The following CAMTA1 variants were observed in gnomAD, a reference collection of about 807,000 sequenced individuals.
CAMTA1 encodes calmodulin-binding transcription activator 1.
Under a neutral mutation model 170.9 loss-of-function variants are expected in CAMTA1, and 27 were observed. That is an observed-to-expected ratio of 0.16 (90% CI 0.12 to 0.22). CAMTA1 has a LOEUF of 0.22. Ranked by LOEUF, CAMTA1 falls within the 10% of genes least tolerant of loss-of-function variation. The pLI is 1.00. For synonymous variants in CAMTA1, 833 were observed against 891.5 expected, an observed-to-expected ratio of 0.93 and a Z score of 1.17; for missense variants, 1,619 against 2,217.2, an observed-to-expected ratio of 0.73 and a Z score of 5.42.
At chr1:7,651,751 A>G (rs2095849789) in intron 7 of CAMTA1, among the ~76,000 whole-genome samples, 1 of 152,258 alleles carries the variant, frequency 6.6e-6, no homozygotes, top group African/African-American at 2.4e-5. Flanking sequence ...AGATGAAGAA[A>G]CTAAGATCCA....
Position 6,970,301 on chromosome 1 carries a change from C to T in CAMTA1, c.235-121003C>T, listed in dbSNP as rs192437420. 1.8e-4 allele frequency among the ~76,000 whole-genome samples: 27 copies of T among 152,262 alleles called. No homozygotes were observed. Among genetic ancestry groups the T allele is most frequent in the Admixed American group, 5.2e-4 (8 of 15,300 alleles). On this transcript the variant is annotated intron_variant, in intron 3 of 22. Transcript: ENST00000303635. The surrounding 1 kb of genome is among the most constrained non-coding windows in gnomAD (Gnocchi z 4.4). ...AGTGTATCTGTAATCCTAATGTGTA[C>T]GGGACCTTATGTCCTGCTTTGCTTG...
intron 3 of CAMTA1, among the ~76,000 whole-genome samples, chr1:6,854,521 A>ATTT (rs1661560270): frequency 6.6e-6 from 1 of 152,250 alleles, no homozygotes; most frequent in Non-Finnish European, 1.5e-5. Flanking sequence ...AAAATAAGAT[A>ATTT]CATTCAAAAT....
intron 4 of CAMTA1, among the ~76,000 whole-genome samples, chr1:7,164,945 G>T (rs1014220437): frequency 6.6e-6 from 1 of 152,196 alleles, no homozygotes; most frequent in Admixed American, 6.5e-5. Flanking sequence ...TAGAATGCTC[G>T]TCCCTTTGTC....
chr1:7,648,110 A>G (rs1188687679), intron 7 of CAMTA1, among the ~76,000 whole-genome samples: 2 of 152,024 alleles, frequency 1.3e-5, no homozygotes, highest in African/African-American at 4.8e-5. Context: ...AGAAGAGAAG[A>G]GGGCTGGACA....
chr1:7,047,725 T>G (rs903589926), intron 3 of CAMTA1, among the ~76,000 whole-genome samples: 4 of 150,100 alleles, frequency 2.7e-5, no homozygotes, highest in African/African-American at 7.5e-5. Flanking sequence ...CTCTCTCTTT[T>G]TTTTTTTTTT....
intron 3 of CAMTA1, among the ~76,000 whole-genome samples, chr1:6,999,382 G>A (rs945911126): frequency 2.0e-5 from 3 of 152,116 alleles, no homozygotes; most frequent in Admixed American, 2.0e-4. Flanking sequence ...GCCTCGGGGA[G>A]CATTTATTTA....
chr1:7,648,846 G>T (rs1415393626), intron 7 of CAMTA1, among the ~76,000 whole-genome samples: 4 of 152,206 alleles, frequency 2.6e-5, no homozygotes, highest in African/African-American at 4.8e-5. Flanking sequence ...ATGAAGCTAG[G>T]TTCTTGTGCT....
chr1:7,069,962 G>A (rs960995329), intron 3 of CAMTA1, among the ~76,000 whole-genome samples: 2 of 152,242 alleles, frequency 1.3e-5, no homozygotes, highest in Admixed American at 1.3e-4. Context: ...GTTAATGAGA[G>A]CTCTGCGCCT....
At chr1:7,649,314 T>C (rs1216562521) in intron 7 of CAMTA1, among the ~76,000 whole-genome samples, 1 of 152,212 alleles carries the variant, frequency 6.6e-6, no homozygotes, top group Non-Finnish European at 1.5e-5. Flanking sequence ...CCCGGCTCCC[T>C]GCCTGCATCT....
Position 7,411,284 on chromosome 1 carries a change from G to T in CAMTA1, c.439-56546G>T, listed in dbSNP as rs975420616. Among the ~76,000 whole-genome samples the T allele has an allele frequency of 5.3e-5, 8 of 152,090 alleles. No homozygotes were observed. In the South Asian group the frequency reaches 1.0e-3, roughly 20 times the overall value. On this transcript the variant is annotated intron_variant, in intron 5 of 22. Coordinates refer to ENST00000303635, the MANE Select transcript of CAMTA1 (RefSeq NM_015215.4). ...ATGAGCAGGGGTCCCCCTCTTTGGC[G>T]CAATGACAGTTCTAGTCCCCGACTG...
intron 3 of CAMTA1, among the ~76,000 whole-genome samples, chr1:6,914,834 A>G (rs540896993): frequency 6.6e-5 from 10 of 152,338 alleles, no homozygotes; most frequent in African/African-American, 1.9e-4. Context: ...TCTCCCCAGA[A>G]ACACGTTTTT....
chr1:7,694,053 G>A (rs2096348319), intron 11 of CAMTA1: 1 of 152,222 alleles, frequency 6.6e-6, no homozygotes, highest in African/African-American at 2.4e-5. Context: ...CCTCCCAGAA[G>A]GTGAGGACAA....
At chr1:7,393,435 TTTTA>T (rs1163460594) in intron 5 of CAMTA1, among the ~76,000 whole-genome samples, 1 of 152,032 alleles carries the variant, frequency 6.6e-6, no homozygotes, top group Non-Finnish European at 1.5e-5. Context: ...CCAGCTAATT[TTTTA>T]TTTATTTTTT....
At chr1:6,901,467 T>G (rs1389194742) in intron 3 of CAMTA1, among the ~76,000 whole-genome samples, 1 of 152,192 alleles carries the variant, frequency 6.6e-6, no homozygotes, top group Non-Finnish European at 1.5e-5. Flanking sequence ...GAGGAACCTT[T>G]GTAAAACATA....
At chr1:7,608,512 T>A (rs977252946) in intron 6 of CAMTA1, among the ~76,000 whole-genome samples, 2 of 152,184 alleles carry the variant, frequency 1.3e-5, no homozygotes, top group Non-Finnish European at 2.9e-5. Context: ...GGCCCAGGAC[T>A]GCATAACACC....
At chr1:7,478,718 C>G (rs199575166) in intron 6 of CAMTA1, among the ~76,000 whole-genome samples, 1 of 97,408 alleles carries the variant, frequency 1.0e-5, no homozygotes, top group African/African-American at 4.5e-5. Flanking sequence ...CTATCTTTAT[C>G]AAGCCAAACA....
intron 3 of CAMTA1, among the ~76,000 whole-genome samples, chr1:6,870,215 GTGT>G (rs1668002742): frequency 6.6e-6 from 1 of 152,108 alleles, no homozygotes. Context: ...TTTTCATGGG[GTGT>G]TGATTCCTTC....
In CAMTA1 at chr1:7,680,861, CCAGCAGCAGCAGCAG is replaced by C. The variant is rs70987362; in HGVS notation, c.2914+3136_2914+3150del. 7.3e-6 allele frequency among the ~76,000 whole-genome samples: 1 copy of C among 136,510 alleles called. No individual in the cohort carries two copies. The highest frequency in any genetic ancestry group is 1.6e-5 in the Non-Finnish European group (1 of 61,388). 89.6% of individuals were successfully genotyped at this position (136,510 alleles called of 152,430 possible). A position where few individuals can be genotyped will look rare whatever the true frequency, so the allele number is the denominator to read the frequency against. On this transcript the variant is annotated intron_variant, in intron 11 of 22. Transcript: ENST00000303635. This position sits in a 1 kb window ranked among gnomAD's most constrained non-coding sequence, Gnocchi z 4.4. The stretch of plus-strand genomic sequence containing the variant: ...GAGAACACGCGCGCGCGCGCGCGCG[CCAGCAGCAGCAGCAG>C]CAGCAGCTGCTGCGGCGAAGTCTTT...
At chr1:7,043,563 T>G (rs1266708556) in intron 3 of CAMTA1, among the ~76,000 whole-genome samples, 3 of 152,182 alleles carry the variant, frequency 2.0e-5, no homozygotes, top group Non-Finnish European at 4.4e-5. Flanking sequence ...CGGAAAACAT[T>G]TACCCCGTTG....
Sources: allele counts gnomAD v4.1 joint callset (sites outside exome capture counted in the v4.1 genomes callset), GRCh38; gene constraint gnomAD v4.1.1; non-coding constraint Gnocchi (gnomAD v3.1); transcripts MANE v1.5; gene names NCBI Gene and HGNC (gene_info 2026-07-23, HGNC 2026-07-21).